RIC1: variants seen among roughly 807,000 people sequenced by gnomAD.
RIC1 encodes the protein guanine nucleotide exchange factor subunit RIC1.
A neutral mutation model predicts 169.0 loss-of-function variants in RIC1; 88 were observed. The observed-to-expected ratio is 0.52, with a 90% confidence interval of 0.44 to 0.62. RIC1 has a LOEUF of 0.62. Among genes scored for constraint, RIC1 ranks in the 20% least tolerant of loss-of-function variants. RIC1 has a pLI of 0.00. For synonymous variants in RIC1, 790 were observed against 601.5 expected, an observed-to-expected ratio of 1.31 and a Z score of -4.59; for missense variants, 1,877 against 1,725.5, an observed-to-expected ratio of 1.09 and a Z score of -1.56.
chr9:5,712,395 TG>T (rs1822987277), intron 3 of RIC1, among the ~76,000 whole-genome samples: 2 of 152,080 alleles, frequency 1.3e-5, no homozygotes, highest in South Asian at 4.1e-4. Context: ...ACCATCAGAG[TG>T]AAGAGGCAAC....
rs186377108 is a variant in RIC1 at position 5,757,710 on chromosome 9, A to G, written c.1992+259A>G. 4.6e-5 allele frequency among the ~76,000 whole-genome samples: 7 copies of G among 152,360 alleles called. No individual in the cohort carries two copies. The East Asian group carries it at 7.7e-4, about 17-fold the overall frequency. On this transcript the variant is annotated intron_variant, in intron 17 of 25. Coordinates refer to ENST00000414202, the MANE Select transcript of RIC1 (RefSeq NM_020829.4). ...ATTACTGTGAGAGCATTTAACAAAA[A>G]CCTGTTATAGTCTGAACAGTCAGAG...
intron 17 of RIC1, among the ~76,000 whole-genome samples, chr9:5,761,177 A>C (rs1787057394): frequency 7.2e-6 from 1 of 139,248 alleles, no homozygotes; most frequent in Admixed American, 7.8e-5. Flanking sequence ...GCAATGGTGC[A>C]ATCTTGGCTC....
intron 6 of RIC1, among the ~76,000 whole-genome samples, chr9:5,729,354 A>G (rs74652938): frequency 0.015 from 2,294 of 152,260 alleles, 34 homozygotes; most frequent in Middle Eastern, 0.034. Flanking sequence ...TGCTTCTTTA[A>G]GTAGGTTTTG....
At chr9:5,682,939 C>T (rs1421356117) in intron 2 of RIC1, among the ~76,000 whole-genome samples, 1 of 152,208 alleles carries the variant, frequency 6.6e-6, no homozygotes, top group African/African-American at 2.4e-5. Flanking sequence ...GATACCCTTT[C>T]TTCCAGTTGA....
chr9:5,636,097 A>T (rs1361976321), intron 1 of RIC1, among the ~76,000 whole-genome samples: 3 of 152,188 alleles, frequency 2.0e-5, no homozygotes, highest in African/African-American at 4.8e-5. Context: ...TGAAAATATC[A>T]TTGAAATTCT....
intron 6 of RIC1, among the ~76,000 whole-genome samples, chr9:5,722,194 ATCT>A (rs752829524): frequency 1.8e-4 from 26 of 146,054 alleles, no homozygotes; most frequent in Non-Finnish European, 2.7e-4. Flanking sequence ...AGCCCATTTC[ATCT>A]TCTTCTTCTT....
Position 5,763,937 on chromosome 9 carries a change from G to C in RIC1, c.2841+69G>C. The C allele has an allele frequency of 6.8e-7, 1 of 1,469,994 alleles. No individual in the cohort carries two copies. Among genetic ancestry groups the C allele is most frequent in the Admixed American group, 2.2e-5 (1 of 45,030 alleles). The allele number at this position is 1,469,994 out of a possible 1,614,324, so 91.1% of individuals were successfully genotyped here. On this transcript the variant is annotated intron_variant, in intron 19 of 25. Coordinates refer to ENST00000414202, the MANE Select transcript of RIC1 (RefSeq NM_020829.4). This position sits in a 1 kb window ranked among gnomAD's most constrained non-coding sequence, Gnocchi z 5.2. ...AAACTTAGAAAAATAGAAATGTCCT[G>C]TTTTGACACCATGATTGTGTTTAAG...
chr9:5,743,615 A>T (rs1825205436), intron 9 of RIC1, 74 bp from the exon 10 acceptor site: 4 of 1,228,894 alleles, frequency 3.3e-6, no homozygotes, highest in Non-Finnish European at 4.6e-6. Flanking sequence ...TTGATTTTTT[A>T]AAAAACACTA....
intron 10 of RIC1, 100 bp downstream of exon 10, chr9:5,743,837 G>T (rs1433929321): frequency 2.4e-6 from 2 of 840,290 alleles, no homozygotes; most frequent in East Asian, 2.5e-5. Context: ...TTGAGACAGG[G>T]TCTTACACTG....
intron 12 of RIC1, among the ~76,000 whole-genome samples, chr9:5,749,962 A>G (rs1313594846): frequency 1.3e-5 from 2 of 151,550 alleles, no homozygotes; most frequent in African/African-American, 2.4e-5. Flanking sequence ...TATTTTTAGT[A>G]GAGACGGGGT....
intron 3 of RIC1, among the ~76,000 whole-genome samples, chr9:5,691,049 G>A (rs1199330568): frequency 2.6e-5 from 4 of 151,896 alleles, no homozygotes; most frequent in South Asian, 2.1e-4. Flanking sequence ...TAAAAGTTGT[G>A]TTGCACACTT....
At chr9:5,767,161 C>T (rs1204907931) in intron 21 of RIC1, among the ~76,000 whole-genome samples, 5 of 152,164 alleles carry the variant, frequency 3.3e-5, no homozygotes, top group East Asian at 1.9e-4. Flanking sequence ...TTCTTAAAGT[C>T]GTAATTTTAC....
At chr9:5,660,007 C>T (rs1398229989) in intron 2 of RIC1, among the ~76,000 whole-genome samples, 2 of 152,092 alleles carry the variant, frequency 1.3e-5, no homozygotes, top group Admixed American at 1.3e-4. Context: ...CTGCGCCCTG[C>T]CCCTCCATCC....
chr9:5,729,278 G>C (rs149486003), intron 6 of RIC1, among the ~76,000 whole-genome samples: 1 of 152,150 alleles, frequency 6.6e-6, no homozygotes, highest in Admixed American at 6.5e-5. Flanking sequence ...CCAGTTTTCC[G>C]TAGGAGTGGA....
chr9:5,772,871 T>G, intron 24 of RIC1, 21 bp from the exon 25 acceptor site: 1 of 1,601,464 alleles, frequency 6.2e-7, no homozygotes, highest in Non-Finnish European at 8.5e-7. Context: ...CATAAATCAT[T>G]TTGTTTCTGC....
chr9:5,678,365 T>A (rs1158289509), intron 2 of RIC1, among the ~76,000 whole-genome samples: 1 of 151,188 alleles, frequency 6.6e-6, no homozygotes, highest in African/African-American at 2.4e-5. Context: ...ATATACCCAG[T>A]AATGGGATGG....
At chr9:5,669,558 T>G in intron 2 of RIC1, among the ~76,000 whole-genome samples, 1 of 152,242 alleles carries the variant, frequency 6.6e-6, no homozygotes, top group East Asian at 1.9e-4. Flanking sequence ...GATTGTCATC[T>G]TGCCCATATG....
chr9:5,690,672 TAGAA>T lies in RIC1; in HGVS notation c.332+638_332+641del, dbSNP rs139133093. Among the ~76,000 whole-genome samples, 897 of 151,812 alleles carry T rather than the reference TAGAA, an allele frequency of 5.9e-3. 6 individuals carry two copies. Among genetic ancestry groups the T allele is most frequent in the African/African-American group, 0.02 (847 of 41,464 alleles). On this transcript the variant is annotated intron_variant, in intron 3 of 25. Coordinates refer to ENST00000414202, the MANE Select transcript of RIC1 (RefSeq NM_020829.4). The stretch of plus-strand genomic sequence containing the variant: ...AAAGTTTAATAGGTATATAAGAAAT[TAGAA>T]AGACAGATTTTACTGTGTGAAAAGT...
chr9:5,694,796 C>CTTT (rs35762013), intron 3 of RIC1, among the ~76,000 whole-genome samples: 1 of 143,612 alleles, frequency 7.0e-6, no homozygotes, highest in African/African-American at 2.6e-5. Flanking sequence ...TTTTTGGTGG[C>CTTT]TTTTTTTTTT....
Sources: allele counts gnomAD v4.1 joint callset (sites outside exome capture counted in the v4.1 genomes callset), GRCh38; gene constraint gnomAD v4.1.1; non-coding constraint Gnocchi (gnomAD v3.1); transcripts MANE v1.5; gene names NCBI Gene and HGNC (gene_info 2026-07-23, HGNC 2026-07-21).